Variants in PRKG1 observed in about 807,000 individuals in gnomAD.
PRKG1 encodes the protein cGMP-dependent protein kinase 1.
In PRKG1, 35 loss-of-function variants were observed where a neutral mutation model predicts 88.1. The ratio of observed to expected loss-of-function variants is 0.40; its 90% CI spans 0.30 to 0.53. PRKG1 has a LOEUF of 0.53. PRKG1 is among the 20% of genes least tolerant of loss of function. The pLI is 0.59. For synonymous variants in PRKG1, 303 were observed against 292.5 expected, an observed-to-expected ratio of 1.04 and a Z score of -0.37; for missense variants, 540 against 839.8, an observed-to-expected ratio of 0.64 and a Z score of 4.41.
intron 1 of PRKG1, among the ~76,000 whole-genome samples, chr10:51,141,698 C>T (rs1040742602): frequency 6.6e-6 from 1 of 152,086 alleles, no homozygotes; most frequent in East Asian, 1.9e-4. Flanking sequence ...TTTTTCTCAA[C>T]CTTCCTTTCT....
chr10:51,203,517 A>G (rs2132059335), intron 2 of PRKG1, among the ~76,000 whole-genome samples: 1 of 152,286 alleles, frequency 6.6e-6, no homozygotes, highest in Middle Eastern at 3.4e-3. Context: ...TCCCAAATGG[A>G]ATTTTCTAGG....
intron 3 of PRKG1, among the ~76,000 whole-genome samples, chr10:51,510,074 C>T (rs1269462006): frequency 6.6e-6 from 1 of 152,124 alleles, no homozygotes; most frequent in Non-Finnish European, 1.5e-5. Context: ...TCTTTGTGTT[C>T]TGAAAAAGTT....
intron 5 of PRKG1, among the ~76,000 whole-genome samples, chr10:51,987,062 G>A (rs985767632): frequency 1.3e-5 from 2 of 151,956 alleles, no homozygotes; most frequent in Non-Finnish European, 2.9e-5. Flanking sequence ...AACTAGTTAT[G>A]TATTATATCT....
rs10998477 is a variant in PRKG1 at position 51,610,005 on chromosome 10, T to G, written c.592+142169T>G. On this transcript the variant is annotated intron_variant, in intron 3 of 17. Transcript: ENST00000373980. ...CCAAACTTATAAATTAAAAAAAAATTTTTTTGATCCATTGTATTTGTACAT... is the reference window on the plus strand; with the variant it reads ...CCAAACTTATAAATTAAAAAAAAATGTTTTTGATCCATTGTATTTGTACAT... 2.0e-3 allele frequency among the ~76,000 whole-genome samples: 300 copies of G among 151,630 alleles called. 1 individual carries two copies. Among genetic ancestry groups the G allele is most frequent in the African/African-American group, 6.8e-3 (283 of 41,342 alleles).
intron 2 of PRKG1, among the ~76,000 whole-genome samples, chr10:51,386,092 A>G (rs991668519): frequency 6.6e-6 from 1 of 152,220 alleles, no homozygotes; most frequent in African/African-American, 2.4e-5. Flanking sequence ...TGAAAATTAT[A>G]TGGTGTAAGT....
At chr10:52,259,465 G>GA (rs1291735612) in intron 10 of PRKG1, among the ~76,000 whole-genome samples, 1 of 151,902 alleles carries the variant, frequency 6.6e-6, no homozygotes, top group Non-Finnish European at 1.5e-5. Context: ...TTGCTTTCTG[G>GA]AAAAAATATG....
At chr10:51,518,970 G>A (rs1430096001) in intron 3 of PRKG1, among the ~76,000 whole-genome samples, 1 of 152,146 alleles carries the variant, frequency 6.6e-6, no homozygotes, top group Non-Finnish European at 1.5e-5. Context: ...ACTTGCTTAA[G>A]TTAGAGCCTT....
intron 4 of PRKG1, among the ~76,000 whole-genome samples, chr10:51,904,187 A>G (rs1045757648): frequency 1.3e-5 from 2 of 152,140 alleles, no homozygotes; most frequent in Non-Finnish European, 2.9e-5. Flanking sequence ...TAGGTAATGC[A>G]TCTGTAAGAA....
At chr10:52,161,829 T>C in intron 8 of PRKG1, 60 bp from the exon 9 acceptor site, 1 of 1,390,648 alleles carries the variant, frequency 7.2e-7, no homozygotes, top group Non-Finnish European at 1.0e-6. Context: ...TATCACTGAC[T>C]AGGTTGCCAT....
At chr10:51,168,080 A>G (rs1846597434) in intron 2 of PRKG1, among the ~76,000 whole-genome samples, 1 of 152,208 alleles carries the variant, frequency 6.6e-6, no homozygotes, top group Non-Finnish European at 1.5e-5. Context: ...TTTTTAGTAA[A>G]CTGAAAATTC....
At chr10:51,779,812 T>A (rs915940364) in intron 3 of PRKG1, among the ~76,000 whole-genome samples, 1 of 152,146 alleles carries the variant, frequency 6.6e-6, no homozygotes, top group African/African-American at 2.4e-5. Flanking sequence ...TTTTTTAAAT[T>A]GGGGTTTACT....
At chr10:51,273,673 G>C (rs1840040548) in intron 2 of PRKG1, among the ~76,000 whole-genome samples, 1 of 152,236 alleles carries the variant, frequency 6.6e-6, no homozygotes, top group Non-Finnish European at 1.5e-5. Flanking sequence ...TAAGAAGACA[G>C]ATTTCTAACT....
At chr10:50,996,825 A>G (rs569373292) in intron 1 of PRKG1, among the ~76,000 whole-genome samples, 38 of 152,312 alleles carry the variant, frequency 2.5e-4, no homozygotes, top group Non-Finnish European at 4.0e-4. Context: ...TTAACCTGTT[A>G]CCTCTTTCTG....
At chr10:51,423,698 G>A (rs1838486245) in intron 2 of PRKG1, among the ~76,000 whole-genome samples, 2 of 151,976 alleles carry the variant, frequency 1.3e-5, no homozygotes, top group Admixed American at 1.3e-4. Context: ...ATATTATGAT[G>A]GCTATAGCAT....
intron 3 of PRKG1, among the ~76,000 whole-genome samples, chr10:51,694,955 TG>T (rs1841248129): frequency 6.6e-6 from 1 of 152,190 alleles, no homozygotes; most frequent in African/African-American, 2.4e-5. Context: ...TGTTTCTAAT[TG>T]TTTTTTGAAA....
intron 4 of PRKG1, among the ~76,000 whole-genome samples, chr10:51,872,381 G>A (rs12783313): frequency 0.24 from 35,978 of 151,954 alleles, 4,592 homozygotes; most frequent in Non-Finnish European, 0.28. Context: ...CTGGCATATA[G>A]GAAATATTAA....
chr10:52,084,570 A>G (rs1008226987), intron 7 of PRKG1, among the ~76,000 whole-genome samples: 58 of 152,094 alleles, frequency 3.8e-4, no homozygotes, highest in African/African-American at 1.3e-3. Flanking sequence ...TGATATAAAC[A>G]TGTGTTTTTA....
chr10:51,498,314 A>T (rs1840920463), intron 3 of PRKG1, among the ~76,000 whole-genome samples: 1 of 152,236 alleles, frequency 6.6e-6, no homozygotes, highest in Admixed American at 6.5e-5. Flanking sequence ...ATAATCACAG[A>T]AAAACAACAT....
chr10:51,485,434 G>GTA (rs1840504286), intron 3 of PRKG1, among the ~76,000 whole-genome samples: 2 of 152,108 alleles, frequency 1.3e-5, no homozygotes, highest in South Asian at 4.1e-4. Context: ...AAGTGTCTGT[G>GTA]TACCCAGTCT....
Sources: allele counts gnomAD v4.1 joint callset (sites outside exome capture counted in the v4.1 genomes callset), GRCh38; gene constraint gnomAD v4.1.1; transcripts MANE v1.5; gene names NCBI Gene and HGNC (gene_info 2026-07-23, HGNC 2026-07-21).